Variants in AMBRA1 observed in about 807,000 individuals in gnomAD.
The protein encoded by AMBRA1 is autophagy and beclin 1 regulator 1.
AMBRA1 carries 47 observed loss-of-function variants against 125.4 expected under a neutral mutation model. The observed-to-expected ratio is 0.37, with a 90% CI of 0.30 to 0.48. The LOEUF is 0.48. AMBRA1 is among the 20% of genes least tolerant of loss of function. The pLI, the probability that AMBRA1 is intolerant of heterozygous loss-of-function variation, is 0.99. For synonymous variants in AMBRA1, 626 were observed against 655.5 expected (o/e 0.95, Z 0.69); for missense variants, 1,331 against 1,693.4 (o/e 0.79, Z 3.76).
intron 8 of AMBRA1, among the ~76,000 whole-genome samples, chr11:46,511,111 C>A (rs1439155409): frequency 1.3e-5 from 2 of 152,166 alleles, no homozygotes; most frequent in African/African-American, 4.8e-5. Context: ...AAATCATGGT[C>A]GTTAAGTATC....
At chr11:46,483,768 T>C (rs1307546624) in intron 11 of AMBRA1, among the ~76,000 whole-genome samples, 1 of 152,098 alleles carries the variant, frequency 6.6e-6, no homozygotes, top group Non-Finnish European at 1.5e-5. Flanking sequence ...GGCGTGGTGG[T>C]GTACGCCTAT....
intron 1 of AMBRA1, among the ~76,000 whole-genome samples, chr11:46,554,708 G>A (rs2043112995): frequency 6.6e-6 from 1 of 152,160 alleles, no homozygotes; most frequent in South Asian, 2.1e-4. Context: ...TCAAACTGAA[G>A]TCACACAGGG....
chr11:46,428,311 A>AAGAGTT (rs1398461138), intron 14 of AMBRA1, among the ~76,000 whole-genome samples: 7 of 152,230 alleles, frequency 4.6e-5, no homozygotes, highest in Non-Finnish European at 8.8e-5. Context: ...CCACATGGCC[A>AAGAGTT]CAAAGAAAAA....
intron 9 of AMBRA1, among the ~76,000 whole-genome samples, chr11:46,500,041 T>C (rs1425005009): frequency 6.6e-6 from 1 of 152,214 alleles, no homozygotes; most frequent in Non-Finnish European, 1.5e-5. Context: ...AATCTCATTT[T>C]ACACATCAGA....
chr11:46,547,367 G>T, intron 3 of AMBRA1, 71 bp from the exon 4 acceptor site: 2 of 1,378,246 alleles, frequency 1.5e-6, no homozygotes, highest in South Asian at 1.4e-5. Flanking sequence ...AACTTTGGAC[G>T]ACATAGAATA....
At chr11:46,569,382 C>A (rs2043666788) in intron 1 of AMBRA1, among the ~76,000 whole-genome samples, 1 of 147,438 alleles carries the variant, frequency 6.8e-6, no homozygotes, top group South Asian at 2.1e-4. Context: ...ACACATTACC[C>A]TGCAGCCTAC....
chr11:46,474,350 A>G (rs1949726128), intron 11 of AMBRA1, among the ~76,000 whole-genome samples: 1 of 152,164 alleles, frequency 6.6e-6, no homozygotes, highest in Non-Finnish European at 1.5e-5. Flanking sequence ...GAACAGGTCT[A>G]TTCATATACT....
intron 7 of AMBRA1, among the ~76,000 whole-genome samples, chr11:46,541,107 T>G (rs1293104292): frequency 3.3e-5 from 5 of 152,246 alleles, no homozygotes; most frequent in Non-Finnish European, 7.3e-5. Context: ...AGTTGGTGAT[T>G]ATGCTAGCTT....
At chr11:46,586,415 T>G (rs2044403055) in intron 1 of AMBRA1, among the ~76,000 whole-genome samples, 1 of 152,090 alleles carries the variant, frequency 6.6e-6, no homozygotes, top group African/African-American at 2.4e-5. Flanking sequence ...AAAAAATAAT[T>G]TTTTAATTAA....
chr11:46,552,109 C>T (rs1011333921), intron 1 of AMBRA1, among the ~76,000 whole-genome samples: 3 of 151,638 alleles, frequency 2.0e-5, no homozygotes, highest in African/African-American at 7.3e-5. Context: ...TGGCTCACGC[C>T]TATAATCCCA....
At chr11:46,558,333 G>A (rs1375733662) in intron 1 of AMBRA1, among the ~76,000 whole-genome samples, 1 of 151,924 alleles carries the variant, frequency 6.6e-6, no homozygotes, top group South Asian at 2.1e-4. Flanking sequence ...GGCAGATCAC[G>A]AGGTCAGGAG....
intron 14 of AMBRA1, among the ~76,000 whole-genome samples, chr11:46,432,919 C>A (rs1947523052): frequency 1.3e-5 from 2 of 152,170 alleles, no homozygotes; most frequent in African/African-American, 4.8e-5. Flanking sequence ...CCACAGGATG[C>A]CCAGAAGGCT....
At chr11:46,580,548 C>G (rs1051743488) in intron 1 of AMBRA1, among the ~76,000 whole-genome samples, 1 of 152,150 alleles carries the variant, frequency 6.6e-6, no homozygotes, top group Non-Finnish European at 1.5e-5. Context: ...GATGCTCAGG[C>G]CAAAAATCTG....
chr11:46,518,377 C>T, intron 7 of AMBRA1: 1 of 177,648 alleles, frequency 5.6e-6, no homozygotes, highest in Non-Finnish European at 1.2e-5. Flanking sequence ...TTGCAGTGAG[C>T]CAAGATAGCG....
In AMBRA1 at chr11:46,397,201, A is replaced by C; in HGVS notation, c.*249T>G. 5.1e-6 allele frequency: 2 copies of C among 394,232 alleles called. No homozygotes were observed. Among genetic ancestry groups the C allele is most frequent in the Non-Finnish European group, 8.8e-6 (2 of 228,336 alleles). 24.4% of individuals were successfully genotyped at this position (394,232 alleles called of 1,614,324 possible). On this transcript the variant is annotated 3_prime_UTR_variant, in exon 18 of 18. Coordinates refer to ENST00000683756, the MANE Select transcript of AMBRA1 (RefSeq NM_001387011.1). The stretch of plus-strand genomic sequence containing the variant: ...GGCAGAGATACCCACTTGTTCCTCT[A>C]TTCACATTAAGCCCACAGTGTGGCT...
At chr11:46,505,759 G>C (rs1360196812) in intron 9 of AMBRA1, among the ~76,000 whole-genome samples, 1 of 151,862 alleles carries the variant, frequency 6.6e-6, no homozygotes, top group Non-Finnish European at 1.5e-5. Flanking sequence ...GGAAGGAAGG[G>C]GAGAGAGAGA....
In AMBRA1 at chr11:46,509,193, A is replaced by T. The variant is rs1237531687; in HGVS notation, c.2160-823T>A. 3.9e-5 allele frequency among the ~76,000 whole-genome samples: 6 copies of T among 152,308 alleles called. No individual in the cohort carries two copies. In the East Asian group the frequency reaches 1.2e-3, roughly 29 times the overall value. On this transcript the variant is annotated intron_variant, in intron 8 of 17. Coordinates refer to ENST00000683756, the MANE Select transcript of AMBRA1 (RefSeq NM_001387011.1). The stretch of plus-strand genomic sequence containing the variant: ...CTATTCCTGTAAATAATTAGTCCAG[A>T]TCTACATTCTTCAAACTACGGCTTT...
intron 11 of AMBRA1, among the ~76,000 whole-genome samples, chr11:46,483,286 G>C (rs1019072594): frequency 3.9e-5 from 6 of 152,096 alleles, no homozygotes; most frequent in Non-Finnish European, 8.8e-5. Context: ...AATACCCAAG[G>C]GAGTCTTAAC....
At chr11:46,586,066 A>T (rs1422496886) in intron 1 of AMBRA1, among the ~76,000 whole-genome samples, 1 of 152,056 alleles carries the variant, frequency 6.6e-6, no homozygotes, top group Non-Finnish European at 1.5e-5. Context: ...AGCCTCCCAA[A>T]GTGCTGGGAT....
Sources: allele counts gnomAD v4.1 joint callset (sites outside exome capture counted in the v4.1 genomes callset), GRCh38; gene constraint gnomAD v4.1.1; transcripts MANE v1.5; gene names NCBI Gene and HGNC (gene_info 2026-07-23, HGNC 2026-07-21).